BRINP1: variants seen among roughly 807,000 people sequenced by gnomAD.
The protein encoded by BRINP1 is BMP/retinoic acid inducible neural specific 1.
In BRINP1, 17 loss-of-function variants were observed where a neutral mutation model predicts 72.9. The observed-to-expected ratio is 0.23, with a 90% CI of 0.16 to 0.35. BRINP1 has a LOEUF of 0.35. Ranked by LOEUF, BRINP1 falls within the 10% of genes least tolerant of loss-of-function variation. The pLI is 1.00. For synonymous variants in BRINP1, 418 were observed against 378.5 expected, an observed-to-expected ratio of 1.10 and a Z score of -1.21; for missense variants, 850 against 1,001.6, an observed-to-expected ratio of 0.85 and a Z score of 2.04.
At chr9:119,189,726 G>T (rs184197865) in intron 7 of BRINP1, among the ~76,000 whole-genome samples, 2 of 151,992 alleles carry the variant, frequency 1.3e-5, no homozygotes, top group Non-Finnish European at 2.9e-5. Context: ...TAACAGTAGA[G>T]GACTTTAACA....
chr9:119,177,469 A>G (rs1224190112), intron 7 of BRINP1, among the ~76,000 whole-genome samples: 1 of 152,132 alleles, frequency 6.6e-6, no homozygotes, highest in Non-Finnish European at 1.5e-5. Context: ...ATCTGACGAG[A>G]GCGTCATTTC....
Position 119,174,609 on chromosome 9 carries a change from AT to A in BRINP1, c.1146-6386del, listed in dbSNP as rs1220146882. Among the ~76,000 whole-genome samples the A allele has an allele frequency of 4.2e-5, 6 of 143,986 alleles. No homozygotes were observed. In the East Asian group the frequency reaches 1.2e-3, roughly 29 times the overall value. The allele number at this position is 143,986 out of a possible 152,430, so 94.5% of individuals were successfully genotyped here. A position where few individuals can be genotyped will look rare whatever the true frequency, so the allele number is the denominator to read the frequency against. ...AAATACCATTTGACCCAGCCATCCC[AT>A]TACTGGGTATATACCCAAAGGATTA... On this transcript the variant is annotated intron_variant, in intron 7 of 7. Coordinates refer to ENST00000265922, the MANE Select transcript of BRINP1 (RefSeq NM_014618.3).
At position 119,258,177 on chromosome 9, in the gene BRINP1, GCAGTTCTGA is replaced by G. The variant is rs1830462537; in HGVS notation, c.219-9036_219-9028del. Reference sequence around the variant, plus strand: ...GTTTTACTCTTATGCCAGCCTCATAGCAGTTCTGAAGGCTCTTACGGGGCTGAATTCAGA... The same window carrying G: ...GTTTTACTCTTATGCCAGCCTCATAGAGGCTCTTACGGGGCTGAATTCAGA... On this transcript the variant is annotated intron_variant, in intron 2 of 7. Coordinates refer to ENST00000265922, the MANE Select transcript of BRINP1 (RefSeq NM_014618.3). 1.1e-4 allele frequency among the ~76,000 whole-genome samples: 16 copies of G among 152,242 alleles called. No homozygotes were observed. The South Asian group carries it at 3.3e-3, about 32-fold the overall frequency.
intron 2 of BRINP1, among the ~76,000 whole-genome samples, chr9:119,285,781 T>G (rs1830755604): frequency 6.6e-6 from 1 of 152,160 alleles, no homozygotes. Flanking sequence ...GGTAGTGGTG[T>G]GTATCTGGTA....
chr9:119,195,920 C>T (rs1829733303), intron 7 of BRINP1, among the ~76,000 whole-genome samples: 1 of 152,188 alleles, frequency 6.6e-6, no homozygotes, highest in South Asian at 2.1e-4. Flanking sequence ...GGAGCCCAAT[C>T]TCTTGAAAAA....
intron 7 of BRINP1, among the ~76,000 whole-genome samples, chr9:119,188,155 A>G (rs1042152242): frequency 2.6e-5 from 4 of 151,728 alleles, no homozygotes; most frequent in Non-Finnish European, 5.9e-5. Flanking sequence ...ATTTAACGAT[A>G]TAATTGTTAA....
chr9:119,185,901 G>T (rs1258307380), intron 7 of BRINP1, among the ~76,000 whole-genome samples: 1 of 152,204 alleles, frequency 6.6e-6, no homozygotes, highest in Non-Finnish European at 1.5e-5. Context: ...CCCTGCTAGA[G>T]TGTGTTTTTC....
intron 2 of BRINP1, among the ~76,000 whole-genome samples, chr9:119,284,834 G>T (rs1336687610): frequency 6.6e-6 from 1 of 152,026 alleles, no homozygotes; most frequent in Non-Finnish European, 1.5e-5. Flanking sequence ...AGGAAATTTG[G>T]GTTTAATATA....
intron 7 of BRINP1, among the ~76,000 whole-genome samples, chr9:119,182,271 G>T (rs1017382482): frequency 6.6e-6 from 1 of 152,138 alleles, no homozygotes; most frequent in African/African-American, 2.4e-5. Flanking sequence ...AGTAGGCAAA[G>T]ATTTCTTAAA....
In BRINP1 at chr9:119,364,416, C is replaced by T. The variant is rs147789688; in HGVS notation, c.-51+4640G>A. Among the ~76,000 whole-genome samples the T allele has an allele frequency of 5.8e-3, 876 of 152,274 alleles. 7 individuals carry two copies. Among genetic ancestry groups the T allele is most frequent in the African/African-American group, 0.02 (819 of 41,558 alleles). On this transcript the variant is annotated intron_variant, in intron 1 of 7. Transcript: ENST00000265922. ...TATTATTGGCATTACAAAAAGGACT[C>T]GTCATTCCTGAAAACAGAAAAGTTT...
chr9:119,217,581 GA>G (rs146163103), intron 5 of BRINP1, among the ~76,000 whole-genome samples: 6,533 of 152,184 alleles, frequency 0.043, 463 homozygotes, highest in African/African-American at 0.15. Context: ...CTGTTCTGCA[GA>G]GCATGTGGGC....
At chr9:119,255,724 C>A (rs1430972535) in intron 2 of BRINP1, among the ~76,000 whole-genome samples, 2 of 151,888 alleles carry the variant, frequency 1.3e-5, no homozygotes, top group African/African-American at 4.8e-5. Flanking sequence ...GAGGTCAAGG[C>A]GGGCAGATCG....
In BRINP1 at chr9:119,366,503, C is replaced by CGTGT. The variant is rs3983901; in HGVS notation, c.-51+2549_-51+2552dup. Among the ~76,000 whole-genome samples the CGTGT allele has an allele frequency of 8.6e-4, 117 of 136,308 alleles. 6 individuals are homozygous for CGTGT. Among genetic ancestry groups the CGTGT allele is most frequent in the Admixed American group, 1.7e-3 (23 of 13,836 alleles). The allele number at this position is 136,308 out of a possible 152,430, so 89.4% of individuals were successfully genotyped here. A position where few individuals can be genotyped will look rare whatever the true frequency, so the allele number is the denominator to read the frequency against. ...TCTCTCTCAGTCCTCCCCCCACCAC[C>CGTGT]GTGTGTGTGTGTGTGTGTGTGTGTG... On this transcript the variant is annotated intron_variant, in intron 1 of 7. Coordinates refer to ENST00000265922, the MANE Select transcript of BRINP1 (RefSeq NM_014618.3).
chr9:119,349,673 T>G (rs2119031460), intron 1 of BRINP1, among the ~76,000 whole-genome samples: 1 of 152,198 alleles, frequency 6.6e-6, no homozygotes, highest in Admixed American at 6.5e-5. Flanking sequence ...ATCAGTGCAG[T>G]GAATGTGGAA....
At chr9:119,271,324 C>CAAAA (rs11455242) in intron 2 of BRINP1, among the ~76,000 whole-genome samples, 1 of 142,710 alleles carries the variant, frequency 7.0e-6, no homozygotes, top group East Asian at 2.1e-4. Context: ...CCAGAAGGAC[C>CAAAA]AAAAAAAAAA....
intron 1 of BRINP1, among the ~76,000 whole-genome samples, chr9:119,362,846 C>T (rs1366159750): frequency 6.6e-6 from 1 of 152,208 alleles, no homozygotes; most frequent in Non-Finnish European, 1.5e-5. Context: ...ATCAAAAGTA[C>T]TTGACAATGA....
chr9:119,173,126 G>A (rs1402956361), intron 7 of BRINP1, among the ~76,000 whole-genome samples: 2 of 146,228 alleles, frequency 1.4e-5, no homozygotes, highest in Admixed American at 1.4e-4. Flanking sequence ...TGGAAGTTCT[G>A]GCCAGGGCAA....
At chr9:119,197,911 G>T (rs1829756988) in intron 7 of BRINP1, among the ~76,000 whole-genome samples, 1 of 152,280 alleles carries the variant, frequency 6.6e-6, no homozygotes, top group Non-Finnish European at 1.5e-5. Context: ...AATTCAGTGG[G>T]AAAATTCTAT....
Position 119,167,711 on chromosome 9 carries a change from G to A in BRINP1, c.1659C>T (p.Asn553=). 6.2e-7 allele frequency: 1 copy of A among 1,614,110 alleles called. No individual in the cohort carries two copies. The highest frequency in any genetic ancestry group is 8.5e-7 in the Non-Finnish European group (1 of 1,180,008). ...CAAAGAACATGGGGTCCAGGCTGCTGTTGCGCATCTGGCAGATGCGCATGG... is the reference window on the plus strand; with the variant it reads ...CAAAGAACATGGGGTCCAGGCTGCTATTGCGCATCTGGCAGATGCGCATGG... ...GMSMRICQMR[N]SSLDPMFFVY... Residue 553 remains asparagine, a synonymous_variant, in exon 8 of 8, where the codon AAC becomes AAT. Transcript: ENST00000265922. The surrounding 1 kb of genome is among the most constrained non-coding windows in gnomAD (Gnocchi z 4.3).
Sources: allele counts gnomAD v4.1 joint callset (sites outside exome capture counted in the v4.1 genomes callset), GRCh38; gene constraint gnomAD v4.1.1; non-coding constraint Gnocchi (gnomAD v3.1); transcripts MANE v1.5; gene names NCBI Gene and HGNC (gene_info 2026-07-23, HGNC 2026-07-21).